FAM135B: variants seen among roughly 807,000 people sequenced by gnomAD.
The protein encoded by FAM135B is family with sequence similarity 135 member B.
FAM135B carries 43 observed loss-of-function variants against 127.7 expected under a neutral mutation model. The ratio of observed to expected loss-of-function variants is 0.34; its 90% CI spans 0.26 to 0.43. The LOEUF is 0.43. Among genes scored for constraint, FAM135B ranks in the 20% least tolerant of loss-of-function variants. FAM135B has a pLI of 1.00. For synonymous variants in FAM135B, 670 were observed against 665.1 expected, an observed-to-expected ratio of 1.01 and a Z score of -0.11; for missense variants, 1,558 against 1,725.6, an observed-to-expected ratio of 0.90 and a Z score of 1.72.
chr8:138,367,393 C>A (rs1435876057), intron 2 of FAM135B: 2 of 456,136 alleles, frequency 4.4e-6, no homozygotes, highest in Non-Finnish European at 8.8e-6. Context: ...ACGTGAAATG[C>A]CAAATTCAGA....
rs544566911 is a variant in FAM135B at position 138,439,227 on chromosome 8, T to C, written c.-20+57444A>G. 3 of 152,306 alleles carry C rather than the reference T, an allele frequency of 2.0e-5. No individual in the cohort carries two copies. The East Asian group carries it at 5.8e-4, about 29-fold the overall frequency. 9.4% of individuals were successfully genotyped at this position (152,306 alleles called of 1,614,324 possible). On this transcript the variant is annotated intron_variant, in intron 1 of 19. Transcript: ENST00000395297. ...GTACAAAGATAATATTCTTCTAGGT[T>C]ACAAAGAACCTGCATGTAAATTACC... is the stretch of plus-strand genomic sequence containing the variant.
At chr8:138,147,503 TA>T (rs1401913461) in intron 14 of FAM135B, among the ~76,000 whole-genome samples, 1 of 152,202 alleles carries the variant, frequency 6.6e-6, no homozygotes, top group African/African-American at 2.4e-5. Context: ...TAAATATTCA[TA>T]ACTGTTATCA....
In FAM135B at chr8:138,132,712, G is replaced by C. The variant is rs1816304497; in HGVS notation, c.4102C>G (p.His1368Asp). The change falls in exon 20 of 20, where the codon CAC becomes GAC. Residue 1368 changes from histidine to aspartate, a missense_variant. This residue lies in a region of FAM135B where 194 missense variants were observed against 333.8 expected (regional missense o/e 0.58). Coordinates refer to ENST00000395297, the MANE Select transcript of FAM135B (RefSeq NM_015912.4). The surrounding 1 kb of genome is among the most constrained non-coding windows in gnomAD (Gnocchi z 4.5). ...GTGTTGGCAGTGTTGGGCAGGGCGT[G>C]GAACACGTTGTGTCGGATTAAAGTG... is the stretch of plus-strand genomic sequence containing the variant. ...DCTLIRHNVF[H>D]ALPNTANTLI... 6.2e-7 allele frequency: 1 copy of C among 1,614,072 alleles called. No homozygotes were observed. The highest frequency in any genetic ancestry group is 8.5e-7 in the Non-Finnish European group (1 of 1,180,036).
At chr8:138,459,807 A>C (rs932194) in intron 1 of FAM135B, among the ~76,000 whole-genome samples, 66,259 of 151,968 alleles carry the variant, frequency 0.44, 16,499 homozygotes, top group East Asian at 0.76. Context: ...GAGAGATAAG[A>C]AGCAGGCCCC....
At chr8:138,458,221 A>C (rs559295679) in intron 1 of FAM135B, among the ~76,000 whole-genome samples, 25 of 152,284 alleles carry the variant, frequency 1.6e-4, no homozygotes, top group African/African-American at 5.8e-4. Flanking sequence ...TTCCATACTA[A>C]ATTACAAGCT....
At chr8:138,340,668 A>C (rs1828985384) in intron 2 of FAM135B, among the ~76,000 whole-genome samples, 1 of 152,080 alleles carries the variant, frequency 6.6e-6, no homozygotes, top group Non-Finnish European at 1.5e-5. Flanking sequence ...TCAGCCTGGC[A>C]CATAGGGTTC....
intron 3 of FAM135B, among the ~76,000 whole-genome samples, chr8:138,290,285 A>G (rs1187531060): frequency 6.6e-6 from 1 of 152,168 alleles, no homozygotes; most frequent in African/African-American, 2.4e-5. Context: ...GGGATTCATG[A>G]AGGCTGGGAG....
Position 138,222,676 on chromosome 8 carries a change from GTGTT to G in FAM135B, c.669+20262_669+20265del, listed in dbSNP as rs753956360. Among the ~76,000 whole-genome samples, 8 of 115,664 alleles carry G rather than the reference GTGTT, an allele frequency of 6.9e-5. No individual in the cohort carries two copies. In the East Asian group the frequency reaches 1.3e-3, roughly 18 times the overall value. 75.9% of individuals were successfully genotyped at this position (115,664 alleles called of 152,430 possible). ...TTTGTTTGTAGGATTTTTGTTGGTGGTGTTTTTTTTTTTTTTTTTTTTTTTAATT... is the reference window on the plus strand; with the variant it reads ...TTTGTTTGTAGGATTTTTGTTGGTGGTTTTTTTTTTTTTTTTTTTTTAATT... On this transcript the variant is annotated intron_variant, in intron 7 of 19. Transcript: ENST00000395297.
chr8:138,480,528 G>T (rs374545555), intron 1 of FAM135B, among the ~76,000 whole-genome samples: 58 of 151,964 alleles, frequency 3.8e-4, no homozygotes, highest in African/African-American at 1.4e-3. Context: ...CACTCAAATA[G>T]GATTTTTTTA....
At chr8:138,387,051 T>C (rs190519133) in intron 1 of FAM135B, among the ~76,000 whole-genome samples, 118 of 152,340 alleles carry the variant, frequency 7.7e-4, no homozygotes, top group Non-Finnish European at 6.5e-4. Context: ...CTATAAAAGC[T>C]GAGTATCTGT....
At chr8:138,140,577 T>A (rs1817049309) in intron 17 of FAM135B, among the ~76,000 whole-genome samples, 1 of 152,192 alleles carries the variant, frequency 6.6e-6, no homozygotes, top group South Asian at 2.1e-4. Flanking sequence ...CTCTTGCTGA[T>A]ATATTTAACC....
At chr8:138,191,841 A>G (rs1563751010) in intron 9 of FAM135B, among the ~76,000 whole-genome samples, 1 of 152,206 alleles carries the variant, frequency 6.6e-6, no homozygotes, top group African/African-American at 2.4e-5. Context: ...AGCCCCCATC[A>G]TTTGATAAAT....
intron 3 of FAM135B, among the ~76,000 whole-genome samples, chr8:138,274,525 T>C (rs1466370407): frequency 6.6e-6 from 1 of 152,162 alleles, no homozygotes; most frequent in Non-Finnish European, 1.5e-5. Context: ...ACCATTGTCA[T>C]TGATGACATC....
chr8:138,211,066 T>A (rs1272314544), intron 7 of FAM135B, among the ~76,000 whole-genome samples: 1 of 152,104 alleles, frequency 6.6e-6, no homozygotes, highest in African/African-American at 2.4e-5. Flanking sequence ...TGCCATTCTA[T>A]AAAAGATGCT....
intron 11 of FAM135B, among the ~76,000 whole-genome samples, chr8:138,172,690 G>A (rs1820572461): frequency 6.6e-6 from 1 of 152,300 alleles, no homozygotes; most frequent in East Asian, 1.9e-4. Context: ...GGATATAATG[G>A]ATGACGAATA....
chr8:138,301,604 C>T (rs1825893230), intron 3 of FAM135B, among the ~76,000 whole-genome samples: 1 of 152,160 alleles, frequency 6.6e-6, no homozygotes, highest in African/African-American at 2.4e-5. Flanking sequence ...ACATGAGATG[C>T]CTACTCTGCC....
Position 138,181,596 on chromosome 8 carries a change from G to A in FAM135B, c.874-2906C>T, listed in dbSNP as rs114065473. Among the ~76,000 whole-genome samples the A allele has an allele frequency of 2.6e-3, 398 of 152,118 alleles. 2 individuals are homozygous for A. The highest frequency in any genetic ancestry group is 8.3e-3 in the African/African-American group (344 of 41,508). ...CTGGTCTCCCTGCGCACCTTCCCCC[G>A]TCACCTTCCAGTTTCCTTTCTTCTT... is the stretch of plus-strand genomic sequence containing the variant. On this transcript the variant is annotated intron_variant, in intron 9 of 19. Coordinates refer to ENST00000395297, the MANE Select transcript of FAM135B (RefSeq NM_015912.4).
chr8:138,323,824 G>T (rs1827619113), intron 2 of FAM135B, among the ~76,000 whole-genome samples: 1 of 152,120 alleles, frequency 6.6e-6, no homozygotes, highest in Admixed American at 6.6e-5. Flanking sequence ...ACTCAGCTTT[G>T]CCTTGCATAA....
intron 11 of FAM135B, among the ~76,000 whole-genome samples, chr8:138,174,599 A>T (rs1196548837): frequency 6.6e-6 from 1 of 152,152 alleles, no homozygotes; most frequent in African/African-American, 2.4e-5. Flanking sequence ...TATCTCGCTT[A>T]TCTTAGTCTA....
Sources: gnomAD v4.1 joint callset for allele counts (sites outside exome capture counted in the v4.1 genomes callset) on GRCh38, gnomAD v4.1.1 for gene constraint, gnomAD v4.1.1 regional missense constraint, Gnocchi (gnomAD v3.1) non-coding constraint, MANE v1.5 for transcripts, NCBI Gene and HGNC (gene_info 2026-07-23, HGNC 2026-07-21) for gene names.